Variants in POC1A observed in about 807,000 individuals in gnomAD.
The protein encoded by POC1A is POC1 centriolar protein homolog A.
A neutral mutation model predicts 47.8 loss-of-function variants in POC1A; 34 were observed. The ratio of observed to expected loss-of-function variants is 0.71; its 90% CI spans 0.54 to 0.95. POC1A has a LOEUF of 0.95. POC1A is among the 40% of genes least tolerant of loss of function. The pLI is 0.00. For missense variants in POC1A, 466 were observed against 528.3 expected, an observed-to-expected ratio of 0.88 and a Z score of 1.16; for synonymous variants, 177 against 207.6, an observed-to-expected ratio of 0.85 and a Z score of 1.27.
At chr3:52,118,801 T>C (rs972874255) in intron 9 of POC1A, among the ~76,000 whole-genome samples, 1 of 152,212 alleles carries the variant, frequency 6.6e-6, no homozygotes, top group African/African-American at 2.4e-5. Flanking sequence ...AGAGCTGATG[T>C]AGGCAGAGGA....
intron 10 of POC1A, among the ~76,000 whole-genome samples, chr3:52,077,893 C>T (rs931833827): frequency 4.6e-5 from 7 of 151,918 alleles, no homozygotes; most frequent in Non-Finnish European, 8.8e-5. Flanking sequence ...AACGTCAATA[C>T]AAGGGACTCC....
intron 10 of POC1A, among the ~76,000 whole-genome samples, chr3:52,094,747 G>C (rs1702755572): frequency 6.6e-6 from 1 of 152,210 alleles, no homozygotes; most frequent in Non-Finnish European, 1.5e-5. Context: ...CAGGTGACTG[G>C]CTGATATTGT....
chr3:52,101,853 G>A (rs1467603997), intron 9 of POC1A, among the ~76,000 whole-genome samples: 1 of 151,920 alleles, frequency 6.6e-6, no homozygotes, highest in Non-Finnish European at 1.5e-5. Context: ...TTTTTCTGGA[G>A]GGGAAAAAAA....
chr3:52,095,402 C>T (rs1452102691), intron 10 of POC1A, among the ~76,000 whole-genome samples: 1 of 152,176 alleles, frequency 6.6e-6, no homozygotes. Flanking sequence ...TCTCACTTAG[C>T]CCACGATCCC....
At position 52,090,322 on chromosome 3, in the gene POC1A, C is replaced by T. The variant is rs771974500; in HGVS notation, c.1125+6247G>A. 9.2e-5 allele frequency among the ~76,000 whole-genome samples: 14 copies of T among 152,330 alleles called. No homozygotes were observed. In the Middle Eastern group the frequency reaches 0.014, roughly 148 times the overall value. On this transcript the variant is annotated intron_variant, in intron 10 of 10. Coordinates refer to ENST00000296484, the MANE Select transcript of POC1A (RefSeq NM_015426.5). The surrounding 1 kb of genome is among the most constrained non-coding windows in gnomAD (Gnocchi z 4.2). ...TCGGTATTTTTAAAAAGCAGCAAGA[C>T]GTGAAACTGGAGTCAAAAATAACTT...
intron 7 of POC1A, among the ~76,000 whole-genome samples, chr3:52,132,938 C>T (rs1204260812): frequency 1.3e-5 from 2 of 151,624 alleles, no homozygotes; most frequent in African/African-American, 2.4e-5. Flanking sequence ...CCCAACTACT[C>T]GGGAGGCTGA....
In POC1A at chr3:52,090,119, A is replaced by G. The variant is rs907960493; in HGVS notation, c.1125+6450T>C. ...CAAAATCGAATGCCAAAGAGACCCA[A>G]ACAAGCAGGGCTGGTGGGCTTGCTC... On this transcript the variant is annotated intron_variant, in intron 10 of 10. Coordinates refer to ENST00000296484, the MANE Select transcript of POC1A (RefSeq NM_015426.5). The surrounding 1 kb of genome is among the most constrained non-coding windows in gnomAD (Gnocchi z 4.2). 2.6e-5 allele frequency among the ~76,000 whole-genome samples: 4 copies of G among 152,240 alleles called. No individual in the cohort carries two copies. The South Asian group carries it at 6.2e-4, about 24-fold the overall frequency.
chr3:52,141,435 C>A (rs775685735), intron 6 of POC1A, among the ~76,000 whole-genome samples: 1 of 152,240 alleles, frequency 6.6e-6, no homozygotes, highest in African/African-American at 2.4e-5. Context: ...TCTTGCGATG[C>A]GCAACTGATG....
At chr3:52,088,167 T>C (rs1702523886) in intron 10 of POC1A, among the ~76,000 whole-genome samples, 1 of 152,120 alleles carries the variant, frequency 6.6e-6, no homozygotes, top group Non-Finnish European at 1.5e-5. Context: ...CAGTATAGCC[T>C]GGCGAGTCGG....
chr3:52,090,882 G>T lies in POC1A; in HGVS notation c.1125+5687C>A, dbSNP rs540541687. On this transcript the variant is annotated intron_variant, in intron 10 of 10. Coordinates refer to ENST00000296484, the MANE Select transcript of POC1A (RefSeq NM_015426.5). This position sits in a 1 kb window ranked among gnomAD's most constrained non-coding sequence, Gnocchi z 4.2. Reference sequence around the variant, plus strand: ...GCCTGGGGGGCAGGCAGATGAAAAGGCCCCAGGGGAAGTCCTGGCCCCATG... The same window carrying T: ...GCCTGGGGGGCAGGCAGATGAAAAGTCCCCAGGGGAAGTCCTGGCCCCATG... Among the ~76,000 whole-genome samples the T allele has an allele frequency of 6.6e-6, 1 of 152,126 alleles. No homozygotes were observed. Among genetic ancestry groups the T allele is most frequent in the Non-Finnish European group, 1.5e-5 (1 of 67,998 alleles).
chr3:52,142,324 G>T (rs1258723056), intron 6 of POC1A, among the ~76,000 whole-genome samples: 2 of 152,230 alleles, frequency 1.3e-5, no homozygotes, highest in Admixed American at 1.3e-4. Flanking sequence ...GGCACTCCCA[G>T]GGCTCCACCA....
intron 7 of POC1A, among the ~76,000 whole-genome samples, chr3:52,128,854 A>C (rs1198702210): frequency 6.6e-6 from 1 of 152,138 alleles, no homozygotes; most frequent in Non-Finnish European, 1.5e-5. Context: ...TAAGGCTACA[A>C]ATTTGCCTCT....
intron 7 of POC1A, 108 bp downstream of exon 7, chr3:52,138,061 C>A: frequency 8.3e-7 from 1 of 1,208,962 alleles, no homozygotes; most frequent in Non-Finnish European, 1.2e-6. Context: ...CCATCCATCT[C>A]CCTGCAGGCT....
chr3:52,078,751 A>T (rs1702195987), intron 10 of POC1A, among the ~76,000 whole-genome samples: 1 of 152,200 alleles, frequency 6.6e-6, no homozygotes, highest in South Asian at 2.1e-4. Flanking sequence ...CGCCCGGCTC[A>T]GCCTCCCAAA....
rs1384580238 is a variant in POC1A, at chr3:52,125,251, G to A, written c.814-70C>T. On this transcript the variant is annotated intron_variant, in intron 7 of 10. Transcript: ENST00000296484. The stretch of plus-strand genomic sequence containing the variant: ...CATTCTAAATGCACAGGAAGAAAAC[G>A]AGACGTTCTTGAATGAAAGCAGCAG... 14 of 1,271,912 alleles carry A rather than the reference G, an allele frequency of 1.1e-5. No homozygotes were observed. The East Asian group carries it at 1.4e-4, about 13-fold the overall frequency. The allele number at this position is 1,271,912 out of a possible 1,614,324, so 78.8% of individuals were successfully genotyped here.
chr3:52,099,579 G>A (rs1449374185), intron 9 of POC1A, among the ~76,000 whole-genome samples: 1 of 152,150 alleles, frequency 6.6e-6, no homozygotes. Context: ...GGCCAGACAC[G>A]GTGACTTACA....
intron 10 of POC1A, among the ~76,000 whole-genome samples, chr3:52,086,985 G>A (rs956450491): frequency 1.3e-5 from 2 of 152,226 alleles, no homozygotes; most frequent in Admixed American, 6.5e-5. Context: ...TGCCAGCCCA[G>A]GTCCCCCAGG....
chr3:52,105,768 T>C (rs1256728878), intron 9 of POC1A, among the ~76,000 whole-genome samples: 1 of 152,270 alleles, frequency 6.6e-6, no homozygotes, highest in Non-Finnish European at 1.5e-5. Flanking sequence ...CTGCCAGTCC[T>C]GCCTCCAGGC....
intron 6 of POC1A, among the ~76,000 whole-genome samples, chr3:52,139,456 G>T (rs1359454350): frequency 1.3e-5 from 2 of 152,102 alleles, no homozygotes; most frequent in Non-Finnish European, 2.9e-5. Context: ...CCCAGCCGTA[G>T]AACTTTTTTA....
Sources: allele counts gnomAD v4.1 joint callset (sites outside exome capture counted in the v4.1 genomes callset), GRCh38; gene constraint gnomAD v4.1.1; non-coding constraint Gnocchi (gnomAD v3.1); transcripts MANE v1.5; gene names NCBI Gene and HGNC (gene_info 2026-07-23, HGNC 2026-07-21).